DAB1: variants seen among roughly 807,000 people sequenced by gnomAD.
The protein encoded by DAB1 is disabled homolog 1.
Under a neutral mutation model 64.6 loss-of-function variants are expected in DAB1, and 15 were observed. The ratio of observed to expected loss-of-function variants is 0.23; its 90% CI spans 0.16 to 0.36. DAB1 has a LOEUF of 0.36. DAB1 is among the 10% of genes least tolerant of loss of function. The pLI is 1.00. For missense variants in DAB1, 596 were observed against 706.7 expected (o/e 0.84, Z 1.78); for synonymous variants, 235 against 251.9 (o/e 0.93, Z 0.64).
intron 5 of DAB1, among the ~76,000 whole-genome samples, chr1:57,893,638 G>A (rs1202832): frequency 0.61 from 92,046 of 151,946 alleles, 28,703 homozygotes; most frequent in African/African-American, 0.75. Context: ...GCATGCTAAA[G>A]TACAGAATAA....
chr1:58,397,060 G>A (rs1248540601), intron 3 of DAB1, among the ~76,000 whole-genome samples: 1 of 144,736 alleles, frequency 6.9e-6, no homozygotes, highest in African/African-American at 2.6e-5. Context: ...GCGAGACTCC[G>A]TCTCAAAAAA....
intron 14 of DAB1, among the ~76,000 whole-genome samples, chr1:56,998,749 A>C (rs910692281): frequency 5.3e-5 from 8 of 152,326 alleles, no homozygotes; most frequent in Non-Finnish European, 8.8e-5. Context: ...ACTTGTTTCC[A>C]TTCAGTCTGA....
intron 3 of DAB1, among the ~76,000 whole-genome samples, chr1:58,393,068 C>G (rs779079214): frequency 4.0e-5 from 6 of 151,708 alleles, no homozygotes; most frequent in Non-Finnish European, 7.4e-5. Context: ...TGAGTTCAGT[C>G]AGCCTCCAGA....
At chr1:57,994,756 G>GTCC (rs1646399841) in intron 5 of DAB1, among the ~76,000 whole-genome samples, 2 of 152,194 alleles carry the variant, frequency 1.3e-5, no homozygotes, top group South Asian at 4.1e-4. Context: ...GAATAGATGA[G>GTCC]CATACACCTG....
At chr1:57,177,292 C>T (rs991886738) in intron 2 of DAB1, among the ~76,000 whole-genome samples, 3 of 152,120 alleles carry the variant, frequency 2.0e-5, no homozygotes, top group Non-Finnish European at 4.4e-5. Flanking sequence ...CAAGTTCTAA[C>T]CACCCCTTTG....
At chr1:58,118,593 AT>A (rs1652533057) in intron 5 of DAB1, among the ~76,000 whole-genome samples, 1 of 90,980 alleles carries the variant, frequency 1.1e-5, no homozygotes, top group Non-Finnish European at 1.9e-5. Flanking sequence ...TATATATAAA[AT>A]ACTATATATA....
chr1:57,534,013 T>C (rs538165449), intron 7 of DAB1, among the ~76,000 whole-genome samples: 47 of 152,262 alleles, frequency 3.1e-4, no homozygotes, highest in Non-Finnish European at 6.2e-4. Context: ...TGAATACCTC[T>C]ACATTGTTAC....
intron 3 of DAB1, among the ~76,000 whole-genome samples, chr1:58,502,771 C>T (rs1003488293): frequency 2.0e-5 from 3 of 152,166 alleles, no homozygotes; most frequent in Non-Finnish European, 4.4e-5. Context: ...TACCCTTGTA[C>T]TATCAGTTTC....
At chr1:57,420,682 T>C (rs12728379) in intron 1 of DAB1, among the ~76,000 whole-genome samples, 7,728 of 152,300 alleles carry the variant, frequency 0.051, 267 homozygotes, top group East Asian at 0.14. Flanking sequence ...AATCCTGCTA[T>C]GTGCCAAAGC....
At chr1:57,585,451 T>A (rs1645367628) in intron 7 of DAB1, among the ~76,000 whole-genome samples, 1 of 152,162 alleles carries the variant, frequency 6.6e-6, no homozygotes, top group Admixed American at 6.5e-5. Context: ...ATCTTCTCTT[T>A]AAAATTAGAG....
intron 7 of DAB1, among the ~76,000 whole-genome samples, chr1:57,549,214 T>C (rs747976840): frequency 6.6e-6 from 1 of 152,176 alleles, no homozygotes; most frequent in Non-Finnish European, 1.5e-5. Flanking sequence ...AACTCTAAGA[T>C]ACAGCTGTTA....
intron 5 of DAB1, among the ~76,000 whole-genome samples, chr1:57,892,275 A>G (rs570052318): frequency 6.6e-6 from 1 of 152,302 alleles, no homozygotes; most frequent in South Asian, 2.1e-4. Flanking sequence ...TCTACACTTG[A>G]GTCTTCTATC....
intron 6 of DAB1, among the ~76,000 whole-genome samples, chr1:57,706,068 C>T (rs1646963414): frequency 6.6e-6 from 1 of 151,566 alleles, no homozygotes; most frequent in South Asian, 2.1e-4. Context: ...GAAATAGTTA[C>T]AGATTCACAA....
At chr1:57,686,424 A>G (rs1260247843) in intron 6 of DAB1, among the ~76,000 whole-genome samples, 1 of 152,142 alleles carries the variant, frequency 6.6e-6, no homozygotes, top group Non-Finnish European at 1.5e-5. Flanking sequence ...CCAACCAGAA[A>G]AGAAAAACCG....
At chr1:58,118,469 CATATATATATATAT>C (rs370100684) in intron 5 of DAB1, among the ~76,000 whole-genome samples, 3 of 22,048 alleles carry the variant, frequency 1.4e-4, no homozygotes, top group East Asian at 2.2e-3. Context: ...TATCCTAAGG[CATATATATATATAT>C]ATATATATAT....
intron 4 of DAB1, among the ~76,000 whole-genome samples, chr1:58,309,711 T>C (rs1244780109): frequency 6.6e-6 from 1 of 152,164 alleles, no homozygotes; most frequent in Admixed American, 6.5e-5. Context: ...AATGGCCTTC[T>C]TTCCCAATAA....
At chr1:57,396,490 A>G (rs1304694493) in intron 1 of DAB1, among the ~76,000 whole-genome samples, 2 of 152,198 alleles carry the variant, frequency 1.3e-5, no homozygotes, top group Non-Finnish European at 2.9e-5. Context: ...CATCTTGGTA[A>G]TTTGAATGGC....
chr1:58,361,858 T>TC (rs373117902), intron 3 of DAB1, among the ~76,000 whole-genome samples: 3 of 98,586 alleles, frequency 3.0e-5, no homozygotes, highest in East Asian at 6.6e-4. Context: ...CCATCAAAGA[T>TC]CCCCCTTTTT....
chr1:57,513,217 C>T (rs1644425436), intron 7 of DAB1, among the ~76,000 whole-genome samples: 1 of 151,974 alleles, frequency 6.6e-6, no homozygotes, highest in Non-Finnish European at 1.5e-5. Context: ...TCCTTGCTAT[C>T]CCTCAATCCC....
Sources: gnomAD v4.1 joint callset for allele counts (sites outside exome capture counted in the v4.1 genomes callset) on GRCh38, gnomAD v4.1.1 for gene constraint, MANE v1.5 for transcripts, NCBI Gene and HGNC (gene_info 2026-07-23, HGNC 2026-07-21) for gene names.